Variants in ESRRA observed in about 807,000 individuals in gnomAD.
ESRRA encodes estrogen related receptor alpha.
Under a neutral mutation model 35.6 loss-of-function variants are expected in ESRRA, and 7 were observed. The observed-to-expected ratio is 0.20, with a 90% confidence interval of 0.11 to 0.37. The LOEUF (loss-of-function observed/expected upper bound fraction) is 0.37. Among genes scored for constraint, ESRRA ranks in the 10% least tolerant of loss-of-function variants. The pLI is 1.00. For synonymous variants in ESRRA, 223 were observed against 246.9 expected (o/e 0.90, Z 0.91); for missense variants, 378 against 561.7 (o/e 0.67, Z 3.31).
intron 2 of ESRRA, among the ~76,000 whole-genome samples, chr11:64,312,071 C>T (rs1414130424): frequency 1.3e-5 from 2 of 149,986 alleles, no homozygotes; most frequent in Admixed American, 6.8e-5. Flanking sequence ...CTCTGCCTCC[C>T]GGGTTCAAGC....
At chr11:64,312,420 G>A (rs1014072096) in intron 2 of ESRRA, among the ~76,000 whole-genome samples, 6 of 152,178 alleles carry the variant, frequency 3.9e-5, no homozygotes, top group African/African-American at 2.4e-5. Flanking sequence ...GATTACAGGC[G>A]TGAGCCACCG....
intron 2 of ESRRA, among the ~76,000 whole-genome samples, chr11:64,312,509 G>T (rs1311226179): frequency 6.6e-6 from 1 of 152,210 alleles, no homozygotes; most frequent in Non-Finnish European, 1.5e-5. Context: ...GGAGAAATGT[G>T]CTGCGGGCCT....
chr11:64,315,533 G>A (rs921762096), intron 6 of ESRRA, among the ~76,000 whole-genome samples, 174 bp from the exon 7 acceptor site: 3 of 152,216 alleles, frequency 2.0e-5, no homozygotes, highest in Non-Finnish European at 2.9e-5. Flanking sequence ...AGTTGAGGGA[G>A]AGAGGGTGGG....
At chr11:64,315,612 C>A in intron 6 of ESRRA, 95 bp from the exon 7 acceptor site, 1 of 1,500,860 alleles carries the variant, frequency 6.7e-7, no homozygotes, top group Admixed American at 1.9e-5. Flanking sequence ...CCTCGTTTGG[C>A]TCTTCCTTAG....
In ESRRA at chr11:64,307,085, G is replaced by A. The variant is rs41294384; in HGVS notation, c.-12-83G>A. Reference sequence around the variant, plus strand: ...GGCTTGGAAGCCTGGCCCTAGGCCCGAGGTTGGGCAACCCGTGTGGCAGGG... The same window carrying A: ...GGCTTGGAAGCCTGGCCCTAGGCCCAAGGTTGGGCAACCCGTGTGGCAGGG... On this transcript the variant is annotated intron_variant, in intron 1 of 6. Coordinates refer to ENST00000000442, the MANE Select transcript of ESRRA (RefSeq NM_004451.5). 1.4e-3 allele frequency: 1,748 copies of A among 1,238,854 alleles called. 24 individuals carry two copies. In the African/African-American group the frequency reaches 0.025, roughly 17 times the overall value. 76.7% of individuals were successfully genotyped at this position (1,238,854 alleles called of 1,614,324 possible). A position where few individuals can be genotyped will look rare whatever the true frequency, so the allele number is the denominator to read the frequency against.
At chr11:64,315,538 G>A (rs1281902138) in intron 6 of ESRRA, among the ~76,000 whole-genome samples, 169 bp from the exon 7 acceptor site, 3 of 152,130 alleles carry the variant, frequency 2.0e-5, no homozygotes, top group Non-Finnish European at 4.4e-5. Flanking sequence ...AGGGAGAGAG[G>A]GTGGGGTCCT....
intron 6 of ESRRA, 39 bp from the exon 7 acceptor site, chr11:64,315,668 G>A (rs995656181): frequency 1.2e-6 from 2 of 1,607,860 alleles, no homozygotes; most frequent in African/African-American, 1.3e-5. Flanking sequence ...CCTTGCCAGA[G>A]ATAGCCCAGG....
chr11:64,308,522 CAAA>C (rs71045760), intron 2 of ESRRA, among the ~76,000 whole-genome samples: 1 of 87,132 alleles, frequency 1.1e-5, no homozygotes, highest in Admixed American at 1.4e-4. Context: ...GATTCCATCT[CAAA>C]AAAAAAAAAA....
At position 64,315,693 on chromosome 11, in the gene ESRRA, C is replaced by T; in HGVS notation, c.1013-14C>T. On this transcript the variant is annotated splice_polypyrimidine_tract_variant and intron_variant, in intron 6 of 6. Transcript: ENST00000000442. Reference sequence around the variant, plus strand: ...GATAGCCCAGGCCAACACCACATTCCTCTCTTCTTGCAGACTCTGTGCACA... The same window carrying T: ...GATAGCCCAGGCCAACACCACATTCTTCTCTTCTTGCAGACTCTGTGCACA... 2 of 1,612,964 alleles carry T rather than the reference C, an allele frequency of 1.2e-6. No individual in the cohort carries two copies. The highest frequency in any genetic ancestry group is 2.2e-5 in the South Asian group (2 of 91,020).
intron 2 of ESRRA, among the ~76,000 whole-genome samples, chr11:64,311,701 CTT>C (rs1219268305): frequency 2.3e-5 from 3 of 132,798 alleles, no homozygotes; most frequent in Admixed American, 7.6e-5. Flanking sequence ...CTCCCGGCCT[CTT>C]TTTTTTTTTA....
rs1256202444 is a variant in ESRRA at position 64,307,269 on chromosome 11, G to A, written c.90G>A (p.Glu30=). 6.2e-7 allele frequency: 1 copy of A among 1,613,552 alleles called. No individual in the cohort carries two copies. Among genetic ancestry groups the A allele is most frequent in the South Asian group, 1.1e-5 (1 of 91,006 alleles). ...PDSPKGSSET[E]TEPPVALAPG... is the part of the protein sequence containing the mutation. ...GTCCAAAGGGTTCCTCGGAGACAGA[G>A]ACCGAGCCTCCTGTGGCCCTGGCCC... The change falls in exon 2 of 7, where the codon GAG becomes GAA. Residue 30 remains glutamate (E), a synonymous_variant. Coordinates refer to ENST00000000442, the MANE Select transcript of ESRRA (RefSeq NM_004451.5).
In ESRRA at chr11:64,307,253, G is replaced by C; in HGVS notation, c.74G>C (p.Gly25Ala). The C allele has an allele frequency of 6.2e-7, 1 of 1,613,478 alleles. No individual in the cohort carries two copies. Among genetic ancestry groups the C allele is most frequent in the Non-Finnish European group, 8.5e-7 (1 of 1,179,710 alleles). ...AEPASPDSPK[G>A]SSETETEPPV... ...CCGGCCAGCCCTGACAGTCCAAAGG[G>C]TTCCTCGGAGACAGAGACCGAGCCT... The change falls in exon 2 of 7, where the codon GGT becomes GCT. Residue 25 changes from glycine to alanine, a missense_variant. Gly to Ala is a moderately conservative substitution (Grantham distance 60). Coordinates refer to ENST00000000442, the MANE Select transcript of ESRRA (RefSeq NM_004451.5).
At chr11:64,314,103 G>A (rs749691342) in intron 3 of ESRRA, 36 bp downstream of exon 3, 11 of 1,560,750 alleles carry the variant, frequency 7.0e-6, no homozygotes, top group East Asian at 4.6e-5. Context: ...AGGGCTGGGG[G>A]AGTCGGGGAC....
chr11:64,311,344 A>T (rs1285831116), intron 2 of ESRRA, among the ~76,000 whole-genome samples: 4 of 151,698 alleles, frequency 2.6e-5, no homozygotes, highest in Non-Finnish European at 4.4e-5. Flanking sequence ...TGAGTTGCAC[A>T]GACTTGTCTT....
chr11:64,315,291 G>A (rs1383013104), intron 6 of ESRRA, 21 bp downstream of exon 6: 1 of 1,532,972 alleles, frequency 6.5e-7, no homozygotes, highest in African/African-American at 1.4e-5. Context: ...GGCAGGCACT[G>A]ACAGGTGAGG....
At position 64,313,973 on chromosome 11, in the gene ESRRA, G is replaced by C. The variant is rs2276014; in HGVS notation, c.348G>C (p.Pro116=). 2 of 1,579,616 alleles carry C rather than the reference G, an allele frequency of 1.3e-6. No individual in the cohort carries two copies. The highest frequency in any genetic ancestry group is 1.7e-6 in the Non-Finnish European group (2 of 1,162,900). Residue 116 remains proline (P), a synonymous_variant, in exon 3 of 7, where the codon CCG becomes CCC. Coordinates refer to ENST00000000442, the MANE Select transcript of ESRRA (RefSeq NM_004451.5). The surrounding 1 kb of genome is among the most constrained non-coding windows in gnomAD (Gnocchi z 4.0). ...CAGGGAGCATCGAGTACAGCTGTCCGGCCTCCAACGAGTGTGAGATCACCA... is the reference window on the plus strand; with the variant it reads ...CAGGGAGCATCGAGTACAGCTGTCCCGCCTCCAACGAGTGTGAGATCACCA... ...TIQGSIEYSC[P]ASNECEITKR... is the part of the protein sequence containing the mutation.
chr11:64,309,649 AAAG>A (rs1419675877), intron 2 of ESRRA, among the ~76,000 whole-genome samples: 1 of 151,574 alleles, frequency 6.6e-6, no homozygotes, highest in African/African-American at 2.4e-5. Context: ...AAAAAAAAAA[AAAG>A]GCCAAGTGTG....
rs1041170409 is a variant in ESRRA, at chr11:64,316,529, G to T, written c.*563G>T. 8 of 255,262 alleles carry T rather than the reference G, an allele frequency of 3.1e-5. No individual in the cohort carries two copies. Among genetic ancestry groups the T allele is most frequent in the African/African-American group, 1.4e-4 (6 of 44,114 alleles). 15.8% of individuals were successfully genotyped at this position (255,262 alleles called of 1,614,324 possible). On this transcript the variant is annotated 3_prime_UTR_variant, in exon 7 of 7. Coordinates refer to ENST00000000442, the MANE Select transcript of ESRRA (RefSeq NM_004451.5). The stretch of plus-strand genomic sequence containing the variant: ...ATCAGCTCCCAACGAGCCTCCTCAG[G>T]GGGTAGGAGAGCACTGCCTCTATGC...
In ESRRA at chr11:64,305,659, C is replaced by T. The variant is rs2035015967; in HGVS notation, c.-90C>T. The stretch of plus-strand genomic sequence containing the variant: ...CGAGGAGGCGGCGGAGGAGGGGCCG[C>T]CCGCGGCCCCCGGCTCACTCCGGCA... On this transcript the variant is annotated 5_prime_UTR_variant, in exon 1 of 7. Transcript: ENST00000000442. This position sits in a 1 kb window ranked among gnomAD's most constrained non-coding sequence, Gnocchi z 5.8. 6.7e-6 allele frequency: 1 copy of T among 149,728 alleles called. No individual in the cohort carries two copies. The highest frequency in any genetic ancestry group is 2.1e-4 in the South Asian group (1 of 4,830). 9.3% of individuals were successfully genotyped at this position (149,728 alleles called of 1,614,324 possible). A position where few individuals can be genotyped will look rare whatever the true frequency, so the allele number is the denominator to read the frequency against.
Sources: gnomAD v4.1 joint callset for allele counts (sites outside exome capture counted in the v4.1 genomes callset) on GRCh38, gnomAD v4.1.1 for gene constraint, Gnocchi (gnomAD v3.1) non-coding constraint, MANE v1.5 for transcripts, NCBI Gene and HGNC (gene_info 2026-07-23, HGNC 2026-07-21) for gene names.